The following TRIM67 variants were observed in gnomAD, a reference collection of about 807,000 sequenced individuals.
TRIM67 encodes the protein tripartite motif containing 67, also known as tripartite motif-containing protein 67.
A neutral mutation model predicts 71.0 loss-of-function variants in TRIM67; 39 were observed. The ratio of observed to expected loss-of-function variants is 0.55; its 90% CI spans 0.43 to 0.72. TRIM67 has a LOEUF of 0.72. TRIM67 is among the 30% of genes least tolerant of loss of function. The pLI, the probability that TRIM67 is intolerant of heterozygous loss-of-function variation, is 0.00. For synonymous variants in TRIM67, 481 were observed against 473.9 expected (o/e 1.01, Z -0.19); for missense variants, 973 against 1,079.2 (o/e 0.90, Z 1.38).
At chr1:231,213,211 A>G (rs939448228) in intron 8 of TRIM67, among the ~76,000 whole-genome samples, 1 of 152,292 alleles carries the variant, frequency 6.6e-6, no homozygotes, top group Admixed American at 6.5e-5. Context: ...CACAGTTTCA[A>G]ATGGGACCTT....
chr1:231,165,042 C>A lies in TRIM67; in HGVS notation c.1044+1029C>A, dbSNP rs907492329. On this transcript the variant is annotated intron_variant, in intron 1 of 9. Coordinates refer to ENST00000366653, the MANE Select transcript of TRIM67 (RefSeq NM_001004342.5). ...TAAATATGCAGTCAAATCCCTAGTT[C>A]TAGAGCAGTAGTTCTCAACTGTGTC... 2.0e-5 allele frequency among the ~76,000 whole-genome samples: 3 copies of A among 152,174 alleles called. No individual in the cohort carries two copies. The East Asian group carries it at 5.8e-4, about 29-fold the overall frequency.
At chr1:231,178,796 C>T (rs1472981161) in intron 1 of TRIM67, among the ~76,000 whole-genome samples, 1 of 152,186 alleles carries the variant, frequency 6.6e-6, no homozygotes, top group Non-Finnish European at 1.5e-5. Context: ...TAACCACTCT[C>T]GGCCAGTTTC....
intron 2 of TRIM67, among the ~76,000 whole-genome samples, chr1:231,198,314 T>C (rs866809357): frequency 3.3e-5 from 5 of 152,262 alleles, no homozygotes; most frequent in African/African-American, 9.6e-5. Context: ...GGTGCTCCTG[T>C]GTGAATGTGC....
intron 1 of TRIM67, among the ~76,000 whole-genome samples, chr1:231,186,357 C>T (rs1225335531): frequency 2.6e-5 from 4 of 152,208 alleles, no homozygotes; most frequent in Non-Finnish European, 2.9e-5. Context: ...CTTTTAGTCC[C>T]TCTGTATTCT....
At chr1:231,191,453 G>A (rs11122247) in intron 1 of TRIM67, among the ~76,000 whole-genome samples, 28,710 of 152,154 alleles carry the variant, frequency 0.19, 3,779 homozygotes, top group African/African-American at 0.38. Context: ...GCTCTCCGCG[G>A]ACTGGCAAGG....
chr1:231,169,112 C>T (rs990886084), intron 1 of TRIM67, among the ~76,000 whole-genome samples: 7 of 152,160 alleles, frequency 4.6e-5, no homozygotes, highest in African/African-American at 1.7e-4. Context: ...GGGTGGAGTG[C>T]AATGGCGCTA....
intron 5 of TRIM67, among the ~76,000 whole-genome samples, chr1:231,201,816 G>C (rs1683533583): frequency 6.6e-6 from 1 of 152,230 alleles, no homozygotes; most frequent in African/African-American, 2.4e-5. Context: ...TCTACCATGT[G>C]CCAGGCACTA....
chr1:231,185,092 G>C (rs751840807), intron 1 of TRIM67: 6 of 1,532,774 alleles, frequency 3.9e-6, no homozygotes, highest in African/African-American at 2.8e-5. Flanking sequence ...AGGGCACTTC[G>C]GTCACCATCT....
intron 8 of TRIM67, among the ~76,000 whole-genome samples, chr1:231,212,616 G>C (rs1032998501): frequency 6.6e-6 from 1 of 151,802 alleles, no homozygotes; most frequent in Non-Finnish European, 1.5e-5. Flanking sequence ...CCAGCTATTC[G>C]GGAGGCTGAG....
At position 231,197,386 on chromosome 1, in the gene TRIM67, G is replaced by T. The variant is rs756772976; in HGVS notation, c.1060G>T (p.Ala354Ser). ...WKQHKAQLSQ[A>S]LNGVSDKAKE... ...TCTTTTTCAGGCACAACTATCTCAGGCCTTAAATGGAGTTTCAGATAAGGC... is the reference window on the plus strand; with the variant it reads ...TCTTTTTCAGGCACAACTATCTCAGTCCTTAAATGGAGTTTCAGATAAGGC... The change falls in exon 2 of 10, where the codon GCC becomes TCC. Residue 354 changes from alanine to serine, a missense_variant. Coordinates refer to ENST00000366653, the MANE Select transcript of TRIM67 (RefSeq NM_001004342.5). 1.2e-6 allele frequency: 2 copies of T among 1,613,890 alleles called. No individual in the cohort carries two copies. Among genetic ancestry groups the T allele is most frequent in the South Asian group, 1.1e-5 (1 of 91,080 alleles).
Position 231,209,818 on chromosome 1 carries a change from T to C in TRIM67, c.2123+568T>C, listed in dbSNP as rs1433398503. Reference sequence around the variant, plus strand: ...GGTGCCCACAGCTGTGGCTTTGCCCTGAGACTGGCCCTGGGAGTAGGGTCA... The same window carrying C: ...GGTGCCCACAGCTGTGGCTTTGCCCCGAGACTGGCCCTGGGAGTAGGGTCA... On this transcript the variant is annotated intron_variant, in intron 8 of 9. Coordinates refer to ENST00000366653, the MANE Select transcript of TRIM67 (RefSeq NM_001004342.5). This position sits in a 1 kb window ranked among gnomAD's most constrained non-coding sequence, Gnocchi z 4.1. 6.6e-6 allele frequency among the ~76,000 whole-genome samples: 1 copy of C among 152,144 alleles called. No homozygotes were observed. The highest frequency in any genetic ancestry group is 1.5e-5 in the Non-Finnish European group (1 of 68,012).
chr1:231,199,271 A>G (rs953547828), intron 3 of TRIM67, 102 bp downstream of exon 3: 6 of 1,147,856 alleles, frequency 5.2e-6, no homozygotes, highest in Non-Finnish European at 7.8e-6. Context: ...CAGCTAAGTG[A>G]GTGAATGAAT....
intron 8 of TRIM67, among the ~76,000 whole-genome samples, chr1:231,211,020 C>CAAA (rs113952856): frequency 2.3e-3 from 305 of 133,870 alleles, no homozygotes; most frequent in Non-Finnish European, 3.5e-3. Flanking sequence ...TCCTCTCTAC[C>CAAA]AAAAAAAAAA....
chr1:231,185,580 C>T (rs1033198091), intron 1 of TRIM67, among the ~76,000 whole-genome samples: 2 of 151,826 alleles, frequency 1.3e-5, no homozygotes, highest in Non-Finnish European at 2.9e-5. Flanking sequence ...GGACCTTTGC[C>T]TAGGGGAGCC....
At position 231,213,985 on chromosome 1, in the gene TRIM67, C is replaced by T; in HGVS notation, c.2286+8C>T. The T allele has an allele frequency of 6.2e-7, 1 of 1,604,890 alleles. No individual in the cohort carries two copies. The highest frequency in any genetic ancestry group is 1.3e-5 in the African/African-American group (1 of 74,896). ...CTCAACCGCAACGTGCAGGTACACA[C>T]CTCCCCAGGGCCGGACCTGGTCTGG... On this transcript the variant is annotated splice_region_variant and intron_variant, in intron 9 of 9. Transcript: ENST00000366653.
At chr1:231,213,714 G>A in intron 8 of TRIM67, 101 bp from the exon 9 acceptor site, 25 of 1,402,576 alleles carry the variant, frequency 1.8e-5, no homozygotes, top group Non-Finnish European at 2.4e-5. Flanking sequence ...CTGGGTGACA[G>A]AGTGAGACCG....
At chr1:231,202,105 A>T (rs1281572838) in intron 5 of TRIM67, among the ~76,000 whole-genome samples, 18 of 362 alleles carry the variant, frequency 0.05, 1 homozygote, top group Admixed American at 0.091. Context: ...ATGGAGGAGG[A>T]GGAGGAGGTA....
chr1:231,206,365 C>T (rs1053610786), intron 6 of TRIM67, among the ~76,000 whole-genome samples: 1 of 151,860 alleles, frequency 6.6e-6, no homozygotes, highest in Non-Finnish European at 1.5e-5. Context: ...CACTTGAACT[C>T]GGGAGGCGGA....
At chr1:231,211,906 C>T (rs768532446) in intron 8 of TRIM67, among the ~76,000 whole-genome samples, 2 of 152,138 alleles carry the variant, frequency 1.3e-5, no homozygotes, top group African/African-American at 2.4e-5. Flanking sequence ...AGGCCCTCGT[C>T]TCTATAAAAT....
Sources: gnomAD v4.1 joint callset for allele counts (sites outside exome capture counted in the v4.1 genomes callset) on GRCh38, gnomAD v4.1.1 for gene constraint, Gnocchi (gnomAD v3.1) non-coding constraint, MANE v1.5 for transcripts, NCBI Gene and HGNC (gene_info 2026-07-23, HGNC 2026-07-21) for gene names.